FAM13A: variants seen among roughly 807,000 people sequenced by gnomAD.
The protein encoded by FAM13A is protein FAM13A.
A neutral mutation model predicts 129.6 loss-of-function variants in FAM13A; 76 were observed. The ratio of observed to expected loss-of-function variants is 0.59; its 90% CI spans 0.49 to 0.71. FAM13A has a LOEUF of 0.71. FAM13A is among the 30% of genes least tolerant of loss of function. FAM13A has a pLI of 0.00. For missense variants in FAM13A, 1,108 were observed against 1,249.3 expected, an observed-to-expected ratio of 0.89 and a Z score of 1.70; for synonymous variants, 443 against 449.9, an observed-to-expected ratio of 0.98 and a Z score of 0.20.
At chr4:88,983,085 T>C (rs1413732962) in intron 4 of FAM13A, among the ~76,000 whole-genome samples, 1 of 152,206 alleles carries the variant, frequency 6.6e-6, no homozygotes, top group East Asian at 1.9e-4. Context: ...TACAACTTGA[T>C]GGCAGTTCAA....
chr4:88,781,211 G>T lies in FAM13A; in HGVS notation c.1412C>A (p.Ser471Tyr). 1 of 1,611,594 alleles carries T rather than the reference G, an allele frequency of 6.2e-7. No homozygotes were observed. Among genetic ancestry groups the T allele is most frequent in the African/African-American group, 1.3e-5 (1 of 74,894 alleles). ...ATGAAGCTCAGAAAGTTTAGTACTG[G>T]ATTTCTGACGTTTAGGCTTGCTCCT... The part of the protein sequence containing the change: ...GERSKPKRQK[S>Y]STKLSELHDN... Residue 471 changes from serine to tyrosine, a missense_variant, in exon 11 of 24, where the codon TCC (serine) becomes TAC (tyrosine). Around this residue, in one of 3 missense-constraint regions of FAM13A, gnomAD observed 566 missense variants for 595.7 expected, o/e 0.95. Transcript: ENST00000264344.
intron 7 of FAM13A, among the ~76,000 whole-genome samples, chr4:88,814,298 A>C (rs1245091106): frequency 6.6e-6 from 1 of 152,212 alleles, no homozygotes; most frequent in Admixed American, 6.6e-5. Flanking sequence ...GCTGAGGCTC[A>C]GTTAGATAAG....
At chr4:88,897,841 T>C (rs1471600526) in intron 6 of FAM13A, among the ~76,000 whole-genome samples, 2 of 152,170 alleles carry the variant, frequency 1.3e-5, no homozygotes, top group Admixed American at 6.6e-5. Flanking sequence ...TAATCTCTTA[T>C]AGTTCACAAG....
At chr4:88,850,200 C>A (rs183228340) in intron 7 of FAM13A, among the ~76,000 whole-genome samples, 3 of 151,988 alleles carry the variant, frequency 2.0e-5, no homozygotes, top group Admixed American at 6.5e-5. Context: ...TATAGTAATT[C>A]TAGTAGTAAA....
chr4:88,889,412 G>C (rs1236201179), intron 6 of FAM13A, among the ~76,000 whole-genome samples: 3 of 152,162 alleles, frequency 2.0e-5, no homozygotes, highest in African/African-American at 7.2e-5. Context: ...GGTCTTGTAA[G>C]CTGGTTGTAA....
intron 15 of FAM13A, 121 bp from the exon 16 acceptor site, chr4:88,750,030 A>G: frequency 2.2e-6 from 2 of 918,988 alleles, no homozygotes; most frequent in Non-Finnish European, 3.3e-6. Context: ...TGCGGAGACA[A>G]AACAGCCTCT....
intron 6 of FAM13A, among the ~76,000 whole-genome samples, chr4:88,872,543 C>T (rs1741604907): frequency 6.6e-6 from 1 of 152,070 alleles, no homozygotes; most frequent in African/African-American, 2.4e-5. Flanking sequence ...ACAAAGAAGG[C>T]CATTACATAA....
intron 6 of FAM13A, among the ~76,000 whole-genome samples, chr4:88,889,041 A>C (rs1215880121): frequency 6.6e-6 from 1 of 152,154 alleles, no homozygotes; most frequent in Non-Finnish European, 1.5e-5. Context: ...TCCCAGGGGA[A>C]TAATGACAAG....
Position 88,743,736 on chromosome 4 carries a change from A to T in FAM13A, c.2466+3196T>A, listed in dbSNP as rs59913254. On this transcript the variant is annotated intron_variant, in intron 19 of 23. Coordinates refer to ENST00000264344, the MANE Select transcript of FAM13A (RefSeq NM_014883.4). The stretch of plus-strand genomic sequence containing the variant: ...AGGGTTTCGCCAAGTTGTCTTCATA[A>T]TATAAAGAATTCTGCCTTCCAAGCT... 7.0e-4 allele frequency among the ~76,000 whole-genome samples: 106 copies of T among 152,334 alleles called. 1 individual carries two copies. Among genetic ancestry groups the T allele is most frequent in the African/African-American group, 2.5e-3 (102 of 41,578 alleles).
intron 7 of FAM13A, chr4:88,823,012 T>A: frequency 6.2e-7 from 1 of 1,613,726 alleles, no homozygotes; most frequent in South Asian, 1.1e-5. Flanking sequence ...CATTCTCGTA[T>A]GTAAATTTGC....
At chr4:88,962,245 T>A (rs537039239) in intron 4 of FAM13A, among the ~76,000 whole-genome samples, 118 of 152,270 alleles carry the variant, frequency 7.7e-4, no homozygotes, top group African/African-American at 2.6e-3. Flanking sequence ...GTTATCACAT[T>A]AGTAGAGACA....
intron 4 of FAM13A, among the ~76,000 whole-genome samples, chr4:88,978,872 C>T (rs143112449): frequency 1.2e-4 from 18 of 151,648 alleles, no homozygotes; most frequent in African/African-American, 1.2e-4. Context: ...CTTCTTATGG[C>T]GACAATTAAA....
At position 88,911,914 on chromosome 4, in the gene FAM13A, C is replaced by T. The variant is rs760833450; in HGVS notation, c.760-5452G>A. ...TCACTCACTTTCTCTACTTCCTCAC[C>T]TCCAATTCATTCTTCAATGCCCTAA... On this transcript the variant is annotated intron_variant, in intron 5 of 23. Transcript: ENST00000264344. Among the ~76,000 whole-genome samples the T allele has an allele frequency of 5.3e-5, 8 of 152,212 alleles. No homozygotes were observed. In the East Asian group the frequency reaches 5.8e-4, roughly 11 times the overall value.
In FAM13A at chr4:88,731,412, G is replaced by C. The variant is rs1316846324; in HGVS notation, c.2860C>G (p.His954Asp). 1 of 1,596,250 alleles carries C rather than the reference G, an allele frequency of 6.3e-7. No individual in the cohort carries two copies. The highest frequency in any genetic ancestry group is 8.5e-7 in the Non-Finnish European group (1 of 1,173,300). Residue 954 changes from histidine to aspartate, a missense_variant, in exon 23 of 24, where the codon CAC (histidine) becomes GAC (aspartate). This residue lies in a region of FAM13A where 529 missense variants were observed against 621.2 expected (regional missense o/e 0.85). Coordinates refer to ENST00000264344, the MANE Select transcript of FAM13A (RefSeq NM_014883.4). ...TTTTCTTCTCTCATTTCCTGGAGGT[G>C]TTCCAGGAGTTCAGGTCTAAGAGAG... Reference protein sequence around the residue: ...HAASIPELLEHLQEMREEKKR... With the variant: ...HAASIPELLEDLQEMREEKKR...
rs904652760 is a variant in FAM13A at position 89,020,663 on chromosome 4, G to T, written c.224C>A (p.Thr75Asn). 1 of 1,613,398 alleles carries T rather than the reference G, an allele frequency of 6.2e-7. No individual in the cohort carries two copies. The highest frequency in any genetic ancestry group is 1.7e-5 in the Admixed American group (1 of 59,984). ...IVEYLTQHGL[T>N]QEGLFRVNGN... ...ATTCACCCTAAAAAGACCTTCTTGG[G>T]TAAGTCCTGGAAGAGCAAAGTAGGC... is the stretch of plus-strand genomic sequence containing the variant. Residue 75 changes from threonine to asparagine, a missense_variant, in exon 3 of 24, where the codon ACC (threonine) becomes AAC (asparagine). Thr to Asn is a moderately conservative substitution (Grantham distance 65). Transcript: ENST00000264344.
At chr4:88,933,679 T>C (rs1303969425) in intron 5 of FAM13A, among the ~76,000 whole-genome samples, 3 of 152,184 alleles carry the variant, frequency 2.0e-5, no homozygotes, top group Non-Finnish European at 4.4e-5. Flanking sequence ...CTGTTGTATA[T>C]CCTAGCTTAC....
chr4:88,947,955 A>C (rs1756225411), intron 4 of FAM13A, among the ~76,000 whole-genome samples: 1 of 152,164 alleles, frequency 6.6e-6, no homozygotes, highest in Middle Eastern at 3.2e-3. Context: ...ACACTATATT[A>C]ACGGTGTTAA....
intron 7 of FAM13A, among the ~76,000 whole-genome samples, chr4:88,831,845 A>G (rs1258841141): frequency 6.6e-6 from 1 of 152,100 alleles, no homozygotes; most frequent in Non-Finnish European, 1.5e-5. Flanking sequence ...ATTCAATACT[A>G]TTCTCATTAA....
At chr4:88,849,988 T>A (rs2149980798) in intron 7 of FAM13A, among the ~76,000 whole-genome samples, 1 of 152,310 alleles carries the variant, frequency 6.6e-6, no homozygotes, top group Admixed American at 6.5e-5. Flanking sequence ...CTTTATCATC[T>A]TCGCCATCTA....
Sources: allele counts gnomAD v4.1 joint callset (sites outside exome capture counted in the v4.1 genomes callset), GRCh38; gene constraint gnomAD v4.1.1; regional missense constraint gnomAD v4.1.1; transcripts MANE v1.5; gene names NCBI Gene and HGNC (gene_info 2026-07-23, HGNC 2026-07-21).